The following GPR176 variants were observed in gnomAD, a reference collection of about 807,000 sequenced individuals.
GPR176 encodes the protein G-protein coupled receptor 176.
GPR176 carries 26 observed loss-of-function variants against 35.4 expected under a neutral mutation model. That is an observed-to-expected ratio of 0.74 (90% CI 0.54 to 1.02). The LOEUF (loss-of-function observed/expected upper bound fraction) is 1.02, where lower values mean the gene tolerates loss of function less well. Among genes scored for constraint, GPR176 ranks in the 50% least tolerant of loss-of-function variants. The probability of loss-of-function intolerance (pLI) is 0.00; values close to 1 mark genes in which losing one functional copy is unlikely to be tolerated. For missense variants in GPR176, 597 were observed against 665.3 expected, an observed-to-expected ratio of 0.90 and a Z score of 1.13; for synonymous variants, 278 against 271.3, an observed-to-expected ratio of 1.02 and a Z score of -0.24.
chr15:39,809,593 A>T (rs943439458), intron 1 of GPR176, among the ~76,000 whole-genome samples: 3 of 152,170 alleles, frequency 2.0e-5, no homozygotes, highest in Non-Finnish European at 4.4e-5. Flanking sequence ...AAGTCACCTA[A>T]TCTACCCTAG....
At chr15:39,803,271 CTTT>C (rs769645892) in intron 2 of GPR176, among the ~76,000 whole-genome samples, 1 of 85,540 alleles carries the variant, frequency 1.2e-5, no homozygotes, top group Middle Eastern at 8.3e-3. Context: ...ACAAGTACTT[CTTT>C]TTTTTTTTTT....
chr15:39,825,274 A>C (rs1900561100), intron 1 of GPR176, among the ~76,000 whole-genome samples: 1 of 152,192 alleles, frequency 6.6e-6, no homozygotes, highest in Non-Finnish European at 1.5e-5. Flanking sequence ...TCTTAAGAAA[A>C]GCATGGTAAA....
chr15:39,894,679 G>A (rs1368948616), intron 1 of GPR176, among the ~76,000 whole-genome samples: 1 of 150,958 alleles, frequency 6.6e-6, no homozygotes, highest in African/African-American at 2.4e-5. Flanking sequence ...GGGAAGAGGT[G>A]CTCCTCACTT....
intron 1 of GPR176, among the ~76,000 whole-genome samples, chr15:39,882,785 G>A (rs2032525604): frequency 6.6e-6 from 1 of 152,178 alleles, no homozygotes. Context: ...AATGGGCAGA[G>A]GGCATTAGAC....
chr15:39,914,020 T>C (rs951701172), intron 1 of GPR176, among the ~76,000 whole-genome samples: 13 of 152,298 alleles, frequency 8.5e-5, no homozygotes, highest in African/African-American at 2.9e-4. Flanking sequence ...CACTCCAGCC[T>C]GGACAACAGA....
At chr15:39,872,144 A>C (rs2032065262) in intron 1 of GPR176, among the ~76,000 whole-genome samples, 1 of 152,142 alleles carries the variant, frequency 6.6e-6, no homozygotes, top group South Asian at 2.1e-4. Flanking sequence ...CATGAAAATA[A>C]CTCAGTAAAA....
intron 1 of GPR176, chr15:39,829,212 A>C (rs1900898262): frequency 2.6e-6 from 4 of 1,515,346 alleles, no homozygotes; most frequent in Non-Finnish European, 3.5e-6. Context: ...CGCAACCCCC[A>C]ACACTGAGAA....
chr15:39,864,163 CT>C (rs2031728071), intron 1 of GPR176, among the ~76,000 whole-genome samples: 1 of 152,178 alleles, frequency 6.6e-6, no homozygotes, highest in African/African-American at 2.4e-5. Context: ...GACCCCCTTT[CT>C]TACCACTTGG....
intron 1 of GPR176, among the ~76,000 whole-genome samples, chr15:39,847,167 C>A (rs374152540): frequency 6.6e-6 from 1 of 152,020 alleles, no homozygotes; most frequent in South Asian, 2.1e-4. Context: ...CAATGGAATT[C>A]TTAGGAAAAT....
chr15:39,822,146 C>T (rs1293120480), intron 1 of GPR176, among the ~76,000 whole-genome samples: 1 of 152,240 alleles, frequency 6.6e-6, no homozygotes, highest in Non-Finnish European at 1.5e-5. Flanking sequence ...TCCAGCCCCA[C>T]TCATGCCTTC....
chr15:39,874,407 T>C (rs568990516), intron 1 of GPR176, among the ~76,000 whole-genome samples: 4 of 152,360 alleles, frequency 2.6e-5, no homozygotes, highest in East Asian at 1.9e-4. Flanking sequence ...ATTAGCCTAA[T>C]TGGCATCTTT....
At chr15:39,909,660 C>T (rs1165153431) in intron 1 of GPR176, among the ~76,000 whole-genome samples, 2 of 152,174 alleles carry the variant, frequency 1.3e-5, no homozygotes, top group African/African-American at 4.8e-5. Context: ...TTCTGGTTCT[C>T]AAAATAAATG....
At chr15:39,886,998 T>C (rs1159544417) in intron 1 of GPR176, among the ~76,000 whole-genome samples, 1 of 152,198 alleles carries the variant, frequency 6.6e-6, no homozygotes, top group African/African-American at 2.4e-5. Context: ...ACGAGGTTAT[T>C]TCCTCTCTAA....
intron 1 of GPR176, among the ~76,000 whole-genome samples, chr15:39,818,899 T>A (rs541131078): frequency 6.6e-6 from 1 of 152,242 alleles, no homozygotes; most frequent in Admixed American, 6.5e-5. Context: ...TGGAAAACTT[T>A]CACGGCTTCA....
At chr15:39,862,787 T>C (rs2031657794) in intron 1 of GPR176, among the ~76,000 whole-genome samples, 1 of 152,224 alleles carries the variant, frequency 6.6e-6, no homozygotes, top group Non-Finnish European at 1.5e-5. Flanking sequence ...TAAACTACTA[T>C]GGTACTTTTT....
intron 1 of GPR176, chr15:39,909,887 T>A (rs886172995): frequency 5.1e-6 from 5 of 979,616 alleles, no homozygotes; most frequent in Non-Finnish European, 6.1e-6. Context: ...GTATATTTCA[T>A]TTGGCAAGCT....
At chr15:39,842,256 A>C (rs1001903873) in intron 1 of GPR176, among the ~76,000 whole-genome samples, 3 of 152,138 alleles carry the variant, frequency 2.0e-5, no homozygotes, top group Non-Finnish European at 4.4e-5. Flanking sequence ...AGGGGAAGCC[A>C]GCATATTTTA....
intron 1 of GPR176, among the ~76,000 whole-genome samples, chr15:39,821,734 C>T (rs1477550329): frequency 6.6e-6 from 1 of 152,192 alleles, no homozygotes; most frequent in East Asian, 1.9e-4. Flanking sequence ...TCTACACCTT[C>T]CTTGTTTCCA....
Position 39,802,232 on chromosome 15 carries a change from G to T in GPR176, c.448C>A (p.Leu150Met). 2 of 1,610,954 alleles carry T rather than the reference G, an allele frequency of 1.2e-6. No homozygotes were observed. Among genetic ancestry groups the T allele is most frequent in the Non-Finnish European group, 1.7e-6 (2 of 1,178,002 alleles). Residue 150 changes from leucine (L) to methionine (M), a missense_variant, in exon 3 of 3, where the codon CTG becomes ATG. Coordinates refer to ENST00000561100, the MANE Select transcript of GPR176 (RefSeq NM_007223.3). ...LDRYYSVLYP[L>M]ERKISDAKSR... ...TTGGCATCAGATATTTTCCTCTCCA[G>T]TGGATAGAGGACTGAGTAGTACCTG...
Sources: allele counts gnomAD v4.1 joint callset (sites outside exome capture counted in the v4.1 genomes callset), GRCh38; gene constraint gnomAD v4.1.1; transcripts MANE v1.5; gene names NCBI Gene and HGNC (gene_info 2026-07-23, HGNC 2026-07-21).